The following ZNF394 variants were observed in gnomAD, a reference collection of about 807,000 sequenced individuals.
The protein encoded by ZNF394 is zinc finger protein 99.
In ZNF394, 19 loss-of-function variants were observed where a neutral mutation model predicts 21.8. The ratio of observed to expected loss-of-function variants is 0.87; its 90% CI spans 0.61 to 1.28. The LOEUF is 1.28. ZNF394 is among the 50% of genes most tolerant of loss of function. ZNF394 has a pLI of 0.00. For synonymous variants in ZNF394, 294 were observed against 273.3 expected (o/e 1.08, Z -0.75); for missense variants, 683 against 708.6 (o/e 0.96, Z 0.41).
chr7:99,498,007 G>GGACT (rs1410889510), intron 2 of ZNF394: 3 of 152,126 alleles, frequency 2.0e-5, no homozygotes, highest in Admixed American at 1.3e-4. Context: ...CAGGAAGGGG[G>GGACT]GACTACTGCC....
exon 2 of ZNF394, chr7:99,486,645 T>C: frequency 6.2e-7 from 1 of 1,614,222 alleles, no homozygotes; most frequent in East Asian, 2.2e-5. Flanking sequence ...CTTTCCCTAC[T>C]AGTGGTGATG....
At chr7:99,487,942 G>T (rs552947094) in intron 1 of ZNF394, among the ~76,000 whole-genome samples, 1 of 152,182 alleles carries the variant, frequency 6.6e-6, no homozygotes, top group East Asian at 1.9e-4. Flanking sequence ...TGTGGTGGCA[G>T]GCGCCTGTAG....
At chr7:99,491,766 T>C (rs1461817198), downstream of ZNF394, among the ~76,000 whole-genome samples, 239 of 50,648 alleles carry the variant, frequency 4.7e-3, no homozygotes, top group Middle Eastern at 0.033. Context: ...ACAGAGAATC[T>C]GTCTCAAAAA....
downstream of ZNF394, among the ~76,000 whole-genome samples, chr7:99,492,639 CAA>C (rs757663157): frequency 2.6e-4 from 13 of 50,480 alleles, no homozygotes; most frequent in East Asian, 1.3e-3. Context: ...GACTCCATCT[CAA>C]AAAAAAAAAA....
Position 99,488,071 on chromosome 7 carries a change from C to CAAAA in ZNF394, n.84-1112_84-1109dup, listed in dbSNP as rs1180851983. Among the ~76,000 whole-genome samples, 109 of 68,184 alleles carry CAAAA rather than the reference C, an allele frequency of 1.6e-3. 3 individuals are homozygous for CAAAA. The highest frequency in any genetic ancestry group is 4.4e-3 in the African/African-American group (95 of 21,726). The allele number at this position is 68,184 out of a possible 152,430, so 44.7% of individuals were successfully genotyped here. A position where few individuals can be genotyped will look rare whatever the true frequency, so the allele number is the denominator to read the frequency against. On this transcript the variant is annotated intron_variant and non_coding_transcript_variant, in intron 1 of 1. Transcript: ENST00000462024. The stretch of plus-strand genomic sequence containing the variant: ...TGGGCGACAGAGCGAGACTCCGTCT[C>CAAAA]AAAAAAAAAAAAAAAAAAAAAACAG...
downstream of ZNF394, among the ~76,000 whole-genome samples, chr7:99,489,515 ATG>A (rs1192567359): frequency 1.3e-5 from 2 of 152,124 alleles, no homozygotes; most frequent in Non-Finnish European, 2.9e-5. Flanking sequence ...ACTCTGAAGC[ATG>A]TGTTTTAGTT....
chr7:99,486,687 C>T (rs1035985300), exon 2 of ZNF394: 1 of 1,614,190 alleles, frequency 6.2e-7, no homozygotes, highest in Admixed American at 1.7e-5. Flanking sequence ...AAAACCTTAA[C>T]CTTATTCAAG....
rs780644179 is a variant in ZNF394 at position 99,499,931 on chromosome 7, C to G, written c.163G>C (p.Ala55Pro). The G allele has an allele frequency of 6.2e-7, 1 of 1,614,054 alleles. No homozygotes were observed. The highest frequency in any genetic ancestry group is 1.7e-5 in the Admixed American group (1 of 60,020). ...SPGSWEPNYPAASPDPETSRL... is the reference protein window; with the variant it reads ...SPGSWEPNYPPASPDPETSRL... ...GAAGTTTCGGGGTCCGGCGAAGCCG[C>G]GGGATAGTTGGGCTCCCAACTTCCG... Residue 55 changes from alanine (A) to proline (P), a missense_variant, in exon 1 of 3, where the codon GCG becomes CCG. This residue lies in a region of ZNF394 where 402 missense variants were observed against 373.8 expected (regional missense o/e 1.08). Transcript: ENST00000337673.
At chr7:99,492,698 G>GT (rs1800189532), downstream of ZNF394, among the ~76,000 whole-genome samples, 1 of 150,334 alleles carries the variant, frequency 6.7e-6, no homozygotes, top group Non-Finnish European at 1.5e-5. Flanking sequence ...GCTTGTGTCT[G>GT]TAATTCCAGC....
In ZNF394 at chr7:99,493,400, G is replaced by A; in HGVS notation, c.*129C>T. 9.8e-7 allele frequency: 1 copy of A among 1,015,430 alleles called. No individual in the cohort carries two copies. Among genetic ancestry groups the A allele is most frequent in the Non-Finnish European group, 1.4e-6 (1 of 716,646 alleles). 62.9% of individuals were successfully genotyped at this position (1,015,430 alleles called of 1,614,324 possible). A position where few individuals can be genotyped will look rare whatever the true frequency, so the allele number is the denominator to read the frequency against. On this transcript the variant is annotated 3_prime_UTR_variant, in exon 3 of 3. Coordinates refer to ENST00000337673, the MANE Select transcript of ZNF394 (RefSeq NM_032164.4). ...GCCTCCCGAATAGCTGGGCTTACAG[G>A]CATGCACCACCATGCCCGGCTCATT...
chr7:99,493,218 G>GA (rs1159028910), downstream of ZNF394: 4 of 1,072,586 alleles, frequency 3.7e-6, no homozygotes, highest in East Asian at 2.3e-4. Context: ...GACAAGAAAA[G>GA]AAACAGGCCA....
intron 2 of ZNF394, among the ~76,000 whole-genome samples, chr7:99,495,250 G>A (rs1458279719): frequency 1.3e-5 from 2 of 151,884 alleles, no homozygotes; most frequent in Non-Finnish European, 1.5e-5. Flanking sequence ...CTCGTGATCC[G>A]CCTGCCTCGG....
In ZNF394 at chr7:99,494,512, A is replaced by G. The variant is rs1304100178; in HGVS notation, c.703T>C (p.Cys235Arg). ...ACCCTGTCCTCATGGGTACTGCCACACTTAGAAAACAGGGGGCGCTTCCCC... is the reference window on the plus strand; with the variant it reads ...ACCCTGTCCTCATGGGTACTGCCACGCTTAGAAAACAGGGGGCGCTTCCCC... ...FQGKRPLFSK[C>R]GSTHEDRVEK... The change falls in exon 3 of 3, where the codon TGT becomes CGT. Residue 235 changes from cysteine (C) to arginine (R), a missense_variant. Physicochemically the swap from Cys to Arg is radical, Grantham distance 180. Transcript: ENST00000337673. 16 of 1,613,538 alleles carry G rather than the reference A, an allele frequency of 9.9e-6. No individual in the cohort carries two copies. The highest frequency in any genetic ancestry group is 1.3e-5 in the African/African-American group (1 of 74,878).
chr7:99,497,155 T>TATATATA (rs1285527600), intron 2 of ZNF394, among the ~76,000 whole-genome samples: 1 of 132,612 alleles, frequency 7.5e-6, no homozygotes, highest in South Asian at 2.6e-4. Context: ...TATATATATA[T>TATATATA]AAAATGTTTT....
chr7:99,491,771 CAAAAAAAAAA>C (rs768073826), downstream of ZNF394, among the ~76,000 whole-genome samples: 91 of 34,976 alleles, frequency 2.6e-3, 1 homozygote, highest in African/African-American at 9.7e-3. Context: ...GAATCTGTCT[CAAAAAAAAAA>C]AAAAAAAAAA....
chr7:99,488,866 G>A (rs1227397978), downstream of ZNF394, among the ~76,000 whole-genome samples: 1 of 150,696 alleles, frequency 6.6e-6, no homozygotes, highest in Non-Finnish European at 1.5e-5. Flanking sequence ...GGGAGGCAGA[G>A]GTTGCAGTGA....
downstream of ZNF394, among the ~76,000 whole-genome samples, chr7:99,489,874 G>A (rs549607131): frequency 1.4e-4 from 21 of 152,128 alleles, no homozygotes; most frequent in African/African-American, 4.3e-4. Context: ...GCGTGGTGGT[G>A]GGCACCTATA....
At position 99,493,736 on chromosome 7, in the gene ZNF394, C is replaced by G; in HGVS notation, c.1479G>C (p.Gly493=). ...DLFKHHRIHT[G]EKPYGCSVCG... is the part of the protein sequence containing the mutation. The stretch of plus-strand genomic sequence containing the variant: ...AGACGGAACATCCATAGGGCTTCTC[C>G]CCAGTGTGGATTCTGTGGTGTTTAA... The change falls in exon 3 of 3, where the codon GGG becomes GGC. Residue 493 remains glycine (G), a synonymous_variant. Transcript: ENST00000337673. The G allele has an allele frequency of 6.2e-7, 1 of 1,614,124 alleles. No individual in the cohort carries two copies. Among genetic ancestry groups the G allele is most frequent in the Non-Finnish European group, 8.5e-7 (1 of 1,180,020 alleles).
At chr7:99,492,660 A>G (rs1038271644), downstream of ZNF394, among the ~76,000 whole-genome samples, 4 of 147,178 alleles carry the variant, frequency 2.7e-5, no homozygotes, top group African/African-American at 1.0e-4. Flanking sequence ...AAAAAAAAAA[A>G]GTAAATAAAG....
Sources: allele counts gnomAD v4.1 joint callset (sites outside exome capture counted in the v4.1 genomes callset), GRCh38; gene constraint gnomAD v4.1.1; regional missense constraint gnomAD v4.1.1; transcripts MANE v1.5; gene names NCBI Gene and HGNC (gene_info 2026-07-23, HGNC 2026-07-21).